LOXHD1: variants seen among roughly 807,000 people sequenced by gnomAD.
LOXHD1 encodes the protein lipoxygenase homology PLAT domains 1, also known as lipoxygenase homology domain-containing protein 1.
A neutral mutation model predicts 248.2 loss-of-function variants in LOXHD1; 205 were observed. That is an observed-to-expected ratio of 0.83 (90% CI 0.74 to 0.93). The LOEUF (loss-of-function observed/expected upper bound fraction) is 0.93. Among genes scored for constraint, LOXHD1 ranks in the 40% least tolerant of loss-of-function variants. The pLI is 0.00. For synonymous variants in LOXHD1, 1,113 were observed against 1,162.8 expected (o/e 0.96, Z 0.87); for missense variants, 2,930 against 2,971.6 (o/e 0.99, Z 0.33).
rs563541839 is a variant in LOXHD1, at chr18:46,484,895, C to A, written c.6182+124G>T. The A allele has an allele frequency of 2.9e-5, 34 of 1,182,096 alleles. 1 individual carries two copies. In the South Asian group the frequency reaches 5.0e-4, roughly 17 times the overall value. The allele number at this position is 1,182,096 out of a possible 1,614,324, so 73.2% of individuals were successfully genotyped here. Reference sequence around the variant, plus strand: ...GCACAGGATTGGCACACAGTAGGTGCTCAGTAAGTACTTGCTGGTTAGGCC... The same window carrying A: ...GCACAGGATTGGCACACAGTAGGTGATCAGTAAGTACTTGCTGGTTAGGCC... On this transcript the variant is annotated intron_variant, in intron 39 of 40. Coordinates refer to ENST00000642948, the MANE Select transcript of LOXHD1 (RefSeq NM_001384474.1).
intron 28 of LOXHD1, among the ~76,000 whole-genome samples, chr18:46,530,408 C>A (rs568055180): frequency 7.2e-5 from 11 of 152,278 alleles, no homozygotes; most frequent in African/African-American, 2.6e-4. Flanking sequence ...GGCCTTTTGA[C>A]AAAGCCAGAT....
chr18:46,507,601 C>T lies in LOXHD1; in HGVS notation c.5629G>A (p.Asp1877Asn), dbSNP rs777317778. 10 of 1,551,740 alleles carry T rather than the reference C, an allele frequency of 6.4e-6. No individual in the cohort carries two copies. The highest frequency in any genetic ancestry group is 2.4e-5 in the East Asian group (1 of 40,916). ...GTCCACTCCATCATTTCTTCCTCAT[C>T]GATAACGGCACACATTTCACACACC... ...TLVCEMCAVI[D>N]EEEMMEWTSY... The change falls in exon 36 of 41, where the codon GAT (aspartate) becomes AAT (asparagine). Residue 1877 changes from aspartate to asparagine, a missense_variant. Asp to Asn is a conservative substitution (Grantham distance 23, BLOSUM62 1). Coordinates refer to ENST00000642948, the MANE Select transcript of LOXHD1 (RefSeq NM_001384474.1).
At chr18:46,574,419 A>ACACACACACCCACC (rs1357990413) in intron 14 of LOXHD1, among the ~76,000 whole-genome samples, 1 of 148,924 alleles carries the variant, frequency 6.7e-6, no homozygotes, top group African/African-American at 2.5e-5. Context: ...ACACACACAC[A>ACACACACACCCACC]CCTGATCCTA....
intron 34 of LOXHD1, among the ~76,000 whole-genome samples, chr18:46,515,393 G>C (rs191501703): frequency 1.1e-4 from 17 of 152,032 alleles, no homozygotes; most frequent in African/African-American, 4.1e-4. Flanking sequence ...ACATGTCTCG[G>C]GTAACAGCCC....
In LOXHD1 at chr18:46,524,702, G is replaced by A. The variant is rs768020137; in HGVS notation, c.4740+6C>T. 3.9e-6 allele frequency: 6 copies of A among 1,551,538 alleles called. No individual in the cohort carries two copies. In the South Asian group the frequency reaches 7.1e-5, roughly 18 times the overall value. On this transcript the variant is annotated splice_donor_region_variant and intron_variant, in intron 30 of 40. Transcript: ENST00000642948. Reference sequence around the variant, plus strand: ...GGCCACAGGCCCTATATACCCCTTGGCTCACCTTCTCGTAAAAGAGCCTCT... The same window carrying A: ...GGCCACAGGCCCTATATACCCCTTGACTCACCTTCTCGTAAAAGAGCCTCT...
intron 12 of LOXHD1, 49 bp downstream of exon 12, chr18:46,591,884 A>G: frequency 6.5e-7 from 1 of 1,545,576 alleles, no homozygotes. Flanking sequence ...TCGGGACACC[A>G]AGCAGGAGTT....
At chr18:46,597,405 T>C (rs1334552215) in intron 8 of LOXHD1, among the ~76,000 whole-genome samples, 1 of 152,146 alleles carries the variant, frequency 6.6e-6, no homozygotes, top group Non-Finnish European at 1.5e-5. Flanking sequence ...GATTGGATAA[T>C]GATAAAGATT....
chr18:46,488,464 A>T (rs1289156590), intron 38 of LOXHD1, among the ~76,000 whole-genome samples: 3 of 152,114 alleles, frequency 2.0e-5, no homozygotes, highest in Non-Finnish European at 4.4e-5. Flanking sequence ...TTGGGCCCAG[A>T]CCCTGGCATC....
chr18:46,543,905 T>C (rs2036679022), intron 23 of LOXHD1, among the ~76,000 whole-genome samples: 1 of 152,258 alleles, frequency 6.6e-6, no homozygotes, highest in South Asian at 2.1e-4. Flanking sequence ...CATGTGAGAA[T>C]CTCTGGAGCA....
chr18:46,596,474 T>C (rs543832135), intron 8 of LOXHD1, among the ~76,000 whole-genome samples: 22 of 152,278 alleles, frequency 1.4e-4, no homozygotes, highest in African/African-American at 5.3e-4. Flanking sequence ...CACTTGAGGA[T>C]GCAGGAAACT....
At chr18:46,624,331 T>TG (rs1568222352) in intron 4 of LOXHD1, among the ~76,000 whole-genome samples, 1 of 151,924 alleles carries the variant, frequency 6.6e-6, no homozygotes, top group East Asian at 1.9e-4. Flanking sequence ...GGGGCTGCCC[T>TG]GGGGGTGGGA....
At position 46,639,724 on chromosome 18, in the gene LOXHD1, G is replaced by A; in HGVS notation, c.403C>T (p.His135Tyr). ...TTGCAGTTGAAGTAGTAACGGAGAT[G>A]AGGCCTCTTCATGTCGGTCACAATC... ...HVIVTDMKRP[H>Y]LRYYFNCNNW... Residue 135 changes from histidine (H) to tyrosine (Y), a missense_variant, in exon 4 of 41, where the codon CAT becomes TAT. Physicochemically the swap from His to Tyr is moderately conservative, Grantham distance 83 (BLOSUM62 2). Coordinates refer to ENST00000642948, the MANE Select transcript of LOXHD1 (RefSeq NM_001384474.1). 6.4e-7 allele frequency: 1 copy of A among 1,551,722 alleles called. No individual in the cohort carries two copies.
intron 4 of LOXHD1, among the ~76,000 whole-genome samples, chr18:46,625,245 TGTGTGCGTTGTTC>T (rs2038724500): frequency 6.6e-6 from 1 of 152,156 alleles, no homozygotes; most frequent in African/African-American, 2.4e-5. Flanking sequence ...CAGCTCCCGG[TGTGTGCGTTGTTC>T]CTTTAGCAAC....
intron 37 of LOXHD1, among the ~76,000 whole-genome samples, chr18:46,500,586 C>T (rs910541103): frequency 6.6e-6 from 1 of 152,202 alleles, no homozygotes; most frequent in Non-Finnish European, 1.5e-5. Flanking sequence ...ACAGACACTA[C>T]AATGATCTTC....
In LOXHD1 at chr18:46,545,331, G is replaced by A. The variant is rs1419847520; in HGVS notation, c.3605C>T (p.Thr1202Ile). 6.4e-7 allele frequency: 1 copy of A among 1,551,366 alleles called. No homozygotes were observed. The highest frequency in any genetic ancestry group is 1.2e-5 in the South Asian group (1 of 84,032). Residue 1202 changes from threonine (T) to isoleucine (I), a missense_variant, in exon 23 of 41, where the codon ACA becomes ATA. By Grantham distance (89) the Thr-to-Ile change is moderately conservative (BLOSUM62 -1). Coordinates refer to ENST00000642948, the MANE Select transcript of LOXHD1 (RefSeq NM_001384474.1). ...TGCTTTCTTACCAGTGTCATCCTGT[G>A]TGCCAAAGAGTGTGATGAAGACATT... ...DANVFITLFG[T>I]QDDTGMTLLK...
chr18:46,588,667 G>A (rs532441748), intron 12 of LOXHD1, among the ~76,000 whole-genome samples: 26 of 152,266 alleles, frequency 1.7e-4, no homozygotes, highest in African/African-American at 6.0e-4. Context: ...TGTTTCCACA[G>A]CATTCACACT....
At chr18:46,574,865 G>C (rs1469318293) in intron 14 of LOXHD1, among the ~76,000 whole-genome samples, 1 of 152,266 alleles carries the variant, frequency 6.6e-6, no homozygotes, top group African/African-American at 2.4e-5. Context: ...CTAGACTTCT[G>C]GTTCCCAGCT....
At chr18:46,551,106 C>CTT (rs1239620935) in intron 21 of LOXHD1, among the ~76,000 whole-genome samples, 6 of 141,012 alleles carry the variant, frequency 4.3e-5, no homozygotes, top group African/African-American at 1.1e-4. Flanking sequence ...CTTTTCTTTT[C>CTT]TTTTTTTTTT....
intron 37 of LOXHD1, among the ~76,000 whole-genome samples, chr18:46,502,022 T>C (rs1279414070): frequency 6.6e-6 from 1 of 152,226 alleles, no homozygotes. Flanking sequence ...TATTTGGCTG[T>C]ATAAGGACAT....
Sources: gnomAD v4.1 joint callset for allele counts (sites outside exome capture counted in the v4.1 genomes callset) on GRCh38, gnomAD v4.1.1 for gene constraint, MANE v1.5 for transcripts, NCBI Gene and HGNC (gene_info 2026-07-23, HGNC 2026-07-21) for gene names.